The following ZNF608 variants were observed in gnomAD, a reference collection of about 807,000 sequenced individuals.
The protein encoded by ZNF608 is zinc finger protein 608.
ZNF608 carries 12 observed loss-of-function variants against 109.0 expected under a neutral mutation model. That is an observed-to-expected ratio of 0.11 (90% CI 0.07 to 0.18). The LOEUF (loss-of-function observed/expected upper bound fraction) is 0.18. Ranked by LOEUF, ZNF608 falls within the 10% of genes least tolerant of loss-of-function variation. The pLI is 1.00. For missense variants in ZNF608, 1,707 were observed against 1,879.3 expected (o/e 0.91, Z 1.70); for synonymous variants, 732 against 717.4 (o/e 1.02, Z -0.33).
intron 3 of ZNF608, among the ~76,000 whole-genome samples, chr5:124,672,432 A>G (rs1751767543): frequency 6.6e-6 from 1 of 152,246 alleles, no homozygotes; most frequent in African/African-American, 2.4e-5. Context: ...TATGCCCTCA[A>G]TTACCTCAGT....
intron 2 of ZNF608, among the ~76,000 whole-genome samples, chr5:124,701,899 G>T (rs1378180609): frequency 6.6e-6 from 1 of 152,180 alleles, no homozygotes; most frequent in African/African-American, 2.4e-5. Flanking sequence ...GGAGATAAAT[G>T]CATGTGCCCA....
chr5:124,737,353 T>C (rs1022747113), intron 2 of ZNF608, among the ~76,000 whole-genome samples: 1 of 152,106 alleles, frequency 6.6e-6, no homozygotes, highest in Non-Finnish European at 1.5e-5. Context: ...AGTAGTTGGG[T>C]TGGAATAGTC....
Position 124,646,965 on chromosome 5 carries a change from T to C in ZNF608, c.3419A>G (p.Lys1140Arg). Residue 1140 changes from lysine (K) to arginine (R), a missense_variant, in exon 5 of 10, where the codon AAG becomes AGG. Physicochemically the swap from Lys to Arg is conservative, Grantham distance 26. Transcript: ENST00000513986. ...KSELPLKELG[K>R]EETKQKNMPS... ...CATATTTTTCTGTTTAGTTTCCTCC[T>C]TGCCCAGCTCTTTCAAGGGGAGCTC... The C allele has an allele frequency of 3.1e-6, 5 of 1,614,146 alleles. No individual in the cohort carries two copies. The highest frequency in any genetic ancestry group is 4.2e-6 in the Non-Finnish European group (5 of 1,180,004).
At chr5:124,656,357 T>C (rs1751004553) in intron 3 of ZNF608, among the ~76,000 whole-genome samples, 1 of 152,200 alleles carries the variant, frequency 6.6e-6, no homozygotes, top group Non-Finnish European at 1.5e-5. Flanking sequence ...TAAAAATTGC[T>C]GGTTTGGATA....
At chr5:124,658,933 A>G (rs1429776632) in intron 3 of ZNF608, among the ~76,000 whole-genome samples, 1 of 152,114 alleles carries the variant, frequency 6.6e-6, no homozygotes, top group African/African-American at 2.4e-5. Context: ...ATTACCTCCT[A>G]ATGGTCATTC....
chr5:124,735,598 G>T (rs1749109216), intron 2 of ZNF608, among the ~76,000 whole-genome samples: 1 of 152,242 alleles, frequency 6.6e-6, no homozygotes, highest in Non-Finnish European at 1.5e-5. Flanking sequence ...AATGGGGGAA[G>T]GGGAGAGCAA....
intron 2 of ZNF608, among the ~76,000 whole-genome samples, chr5:124,722,267 C>T (rs1174653640): frequency 1.3e-5 from 2 of 152,128 alleles, no homozygotes; most frequent in South Asian, 2.1e-4. Context: ...ACTCCCAAAA[C>T]GTTTCCCCCT....
rs763563425 is a variant in ZNF608 at position 124,744,113 on chromosome 5, T to G, written c.877A>C (p.Arg293=). ...TCAGTTTTCAGTTTCTTGATTCGCC[T>G]GTGGCTCTCCTCCTCCTCCTCTTCC... is the stretch of plus-strand genomic sequence containing the variant. ...KKEEEEEESH[R]RIKKLKTEKV... Residue 293 remains arginine, a synonymous_variant, in exon 2 of 10, where the codon AGG becomes CGG. Coordinates refer to ENST00000513986, the MANE Select transcript of ZNF608 (RefSeq NM_020747.3). This position sits in a 1 kb window ranked among gnomAD's most constrained non-coding sequence, Gnocchi z 4.5. The G allele has an allele frequency of 6.2e-7, 1 of 1,602,160 alleles. No homozygotes were observed. The highest frequency in any genetic ancestry group is 8.5e-7 in the Non-Finnish European group (1 of 1,174,260).
chr5:124,701,057 G>A lies in ZNF608; in HGVS notation c.1119C>T (p.Thr373=), dbSNP rs756545376. ...PECLGPCEPG[T]SVNLEGIVWH... ...ACACGATCCCTTCCAAATTCACACT[G>A]GTCCCAGGTTCACAGGGCCCAAGAC... The change falls in exon 3 of 10, where the codon ACC becomes ACT. Residue 373 remains threonine, a synonymous_variant. Transcript: ENST00000513986. The A allele has an allele frequency of 1.2e-6, 2 of 1,614,052 alleles. No homozygotes were observed. Among genetic ancestry groups the A allele is most frequent in the East Asian group, 2.2e-5 (1 of 44,874 alleles).
chr5:124,651,357 G>A (rs1750764098), intron 3 of ZNF608, among the ~76,000 whole-genome samples: 2 of 152,178 alleles, frequency 1.3e-5, no homozygotes, highest in African/African-American at 4.8e-5. Flanking sequence ...GGAAGACTGA[G>A]CTGGTTTTCT....
In ZNF608 at chr5:124,670,730, C is replaced by T. The variant is rs533802824; in HGVS notation, c.1163-21033G>A. Among the ~76,000 whole-genome samples the T allele has an allele frequency of 3.3e-5, 5 of 152,288 alleles. No individual in the cohort carries two copies. The South Asian group carries it at 6.2e-4, about 19-fold the overall frequency. On this transcript the variant is annotated intron_variant, in intron 3 of 9. Transcript: ENST00000513986. Reference sequence around the variant, plus strand: ...AAAGGAAGGAAGAGAAGCAAACAAGCTTGCCTTTTCTATACCGTTCCATCA... The same window carrying T: ...AAAGGAAGGAAGAGAAGCAAACAAGTTTGCCTTTTCTATACCGTTCCATCA...
chr5:124,746,059 G>T, intron 1 of ZNF608, 136 bp downstream of exon 1: 1 of 940,638 alleles, frequency 1.1e-6, no homozygotes, highest in Non-Finnish European at 1.3e-6. Flanking sequence ...CTCAATGACC[G>T]CAAATGAGTG....
chr5:124,675,209 C>T (rs1751891893), intron 3 of ZNF608, among the ~76,000 whole-genome samples: 1 of 152,146 alleles, frequency 6.6e-6, no homozygotes, highest in Non-Finnish European at 1.5e-5. Flanking sequence ...GAAGGCTGAA[C>T]ACCTAAGTGC....
intron 3 of ZNF608, among the ~76,000 whole-genome samples, chr5:124,665,489 G>T (rs929457948): frequency 3.9e-4 from 60 of 152,210 alleles, no homozygotes; most frequent in African/African-American, 1.4e-3. Flanking sequence ...GGTGAAAATT[G>T]TTCATCAGCT....
At chr5:124,675,662 A>T (rs1197203527) in intron 3 of ZNF608, among the ~76,000 whole-genome samples, 1 of 152,248 alleles carries the variant, frequency 6.6e-6, no homozygotes, top group East Asian at 1.9e-4. Flanking sequence ...GATTCATTCC[A>T]TGAGACTACG....
chr5:124,720,287 C>T (rs1013957946), intron 2 of ZNF608, among the ~76,000 whole-genome samples: 1 of 152,212 alleles, frequency 6.6e-6, no homozygotes, highest in East Asian at 1.9e-4. Context: ...AAGCTCACCA[C>T]AAAAGATGTT....
intron 2 of ZNF608, among the ~76,000 whole-genome samples, chr5:124,706,215 A>C (rs1329647656): frequency 6.6e-6 from 1 of 152,202 alleles, no homozygotes; most frequent in Non-Finnish European, 1.5e-5. Flanking sequence ...CAAAACCTTA[A>C]GCAAGTAGTT....
At chr5:124,679,419 T>TC (rs1554086517) in intron 3 of ZNF608, among the ~76,000 whole-genome samples, 16 of 146,386 alleles carry the variant, frequency 1.1e-4, no homozygotes, top group African/African-American at 4.0e-4. Context: ...TTCCTTCTTT[T>TC]CCTCCCTCCC....
intron 2 of ZNF608, among the ~76,000 whole-genome samples, chr5:124,730,661 G>A (rs539424946): frequency 5.9e-4 from 90 of 152,300 alleles, no homozygotes; most frequent in African/African-American, 2.1e-3. Context: ...CATTTTCAGA[G>A]TGTCTTAGGT....
Sources: gnomAD v4.1 joint callset for allele counts (sites outside exome capture counted in the v4.1 genomes callset) on GRCh38, gnomAD v4.1.1 for gene constraint, Gnocchi (gnomAD v3.1) non-coding constraint, MANE v1.5 for transcripts, NCBI Gene and HGNC (gene_info 2026-07-23, HGNC 2026-07-21) for gene names.